The following ARL15 variants were observed in gnomAD, a reference collection of about 807,000 sequenced individuals.
The protein encoded by ARL15 is ADP-ribosylation factor-like protein 15.
In ARL15, 19 loss-of-function variants were observed where a neutral mutation model predicts 25.2. That is an observed-to-expected ratio of 0.75 (90% CI 0.53 to 1.10). ARL15 has a LOEUF of 1.10. Among genes scored for constraint, ARL15 ranks in the 50% least tolerant of loss-of-function variants. The pLI is 0.00. For missense variants in ARL15, 220 were observed against 246.0 expected (o/e 0.89, Z 0.71); for synonymous variants, 94 against 86.8 (o/e 1.08, Z -0.46).
intron 4 of ARL15, among the ~76,000 whole-genome samples, chr5:53,889,936 C>T (rs1040246377): frequency 6.6e-6 from 1 of 151,780 alleles, no homozygotes; most frequent in African/African-American, 2.4e-5. Flanking sequence ...TCTCAGACTC[C>T]CACGGAGCGG....
intron 1 of ARL15, among the ~76,000 whole-genome samples, chr5:54,221,381 A>G (rs1284178005): frequency 6.6e-6 from 1 of 152,242 alleles, no homozygotes; most frequent in Non-Finnish European, 1.5e-5. Context: ...GATGTAACAT[A>G]GTTGAAGAGG....
At position 54,218,609 on chromosome 5, in the gene ARL15, A is replaced by T. The variant is rs181298624; in HGVS notation, c.49-46681T>A. On this transcript the variant is annotated intron_variant, in intron 1 of 4. Coordinates refer to ENST00000504924, the MANE Select transcript of ARL15 (RefSeq NM_019087.3). ...ACTGGATTCCCGCGGTAGCATAAAAACCCCTTAGGGTTTAGTTGGTGGGGA... is the reference window on the plus strand; with the variant it reads ...ACTGGATTCCCGCGGTAGCATAAAATCCCCTTAGGGTTTAGTTGGTGGGGA... 9.5e-4 allele frequency among the ~76,000 whole-genome samples: 144 copies of T among 151,778 alleles called. 1 individual carries two copies. The highest frequency in any genetic ancestry group is 6.8e-3 in the Middle Eastern group (2 of 294).
chr5:54,051,997 T>C (rs1016701086), intron 4 of ARL15, among the ~76,000 whole-genome samples: 5 of 152,182 alleles, frequency 3.3e-5, no homozygotes, highest in Admixed American at 3.3e-4. Context: ...AAAAGATGAA[T>C]TTTGAATGTA....
rs565014017 is a variant in ARL15 at position 54,062,834 on chromosome 5, C to T, written c.462+50368G>A. Among the ~76,000 whole-genome samples the T allele has an allele frequency of 7.9e-5, 12 of 152,206 alleles. No homozygotes were observed. In the South Asian group the frequency reaches 8.3e-4, roughly 11 times the overall value. Reference sequence around the variant, plus strand: ...GAATGAAAAAATGGGGAATGGCATTCCTCATCAGGAAGCCCACAAAAAGAA... The same window carrying T: ...GAATGAAAAAATGGGGAATGGCATTTCTCATCAGGAAGCCCACAAAAAGAA... On this transcript the variant is annotated intron_variant, in intron 4 of 4. Transcript: ENST00000504924.
intron 3 of ARL15, among the ~76,000 whole-genome samples, chr5:54,149,542 T>C (rs1412973755): frequency 6.6e-6 from 1 of 152,204 alleles, no homozygotes; most frequent in Non-Finnish European, 1.5e-5. Flanking sequence ...ATGTGAGCTA[T>C]AGGCCAAGCA....
At chr5:54,111,980 GT>G (rs1226949897) in intron 4 of ARL15, among the ~76,000 whole-genome samples, 3 of 152,012 alleles carry the variant, frequency 2.0e-5, no homozygotes, top group Non-Finnish European at 1.5e-5. Context: ...TTTTATTGCT[GT>G]TTTTTACTTA....
At chr5:54,184,227 T>A (rs1755155934) in intron 1 of ARL15, among the ~76,000 whole-genome samples, 1 of 117,564 alleles carries the variant, frequency 8.5e-6, no homozygotes. Context: ...TGTGCACATG[T>A]ACCCTAAAAC....
intron 4 of ARL15, among the ~76,000 whole-genome samples, chr5:54,068,545 C>T (rs1292807919): frequency 1.3e-5 from 2 of 152,014 alleles, no homozygotes. Context: ...ATGACATAAC[C>T]CTAGTGAAAG....
chr5:54,272,308 C>G (rs745852984), intron 1 of ARL15, among the ~76,000 whole-genome samples: 4 of 151,816 alleles, frequency 2.6e-5, no homozygotes, highest in Non-Finnish European at 2.9e-5. Flanking sequence ...AAACCACATC[C>G]TTGGCAGTGA....
chr5:54,192,627 A>G (rs1007249077), intron 1 of ARL15, among the ~76,000 whole-genome samples: 1 of 123,788 alleles, frequency 8.1e-6, no homozygotes, highest in African/African-American at 3.1e-5. Context: ...CTAGAATTAT[A>G]ACACTAAGGT....
chr5:54,304,086 G>A (rs1561302150), intron 1 of ARL15, among the ~76,000 whole-genome samples: 1 of 152,206 alleles, frequency 6.6e-6, no homozygotes, highest in Non-Finnish European at 1.5e-5. Context: ...TAGTGGTCAA[G>A]GACCACTTTT....
intron 1 of ARL15, among the ~76,000 whole-genome samples, chr5:54,186,912 C>G (rs1221186793): frequency 6.8e-6 from 1 of 146,142 alleles, no homozygotes; most frequent in Non-Finnish European, 1.5e-5. Context: ...CTCACTCTAT[C>G]AAAGGAGTTC....
intron 4 of ARL15, among the ~76,000 whole-genome samples, chr5:54,045,839 A>G (rs373797795): frequency 6.6e-5 from 10 of 152,162 alleles, no homozygotes; most frequent in African/African-American, 2.2e-4. Context: ...CAAAGAGCCA[A>G]CTCACTTGAA....
intron 4 of ARL15, among the ~76,000 whole-genome samples, chr5:54,018,189 C>G (rs1271682997): frequency 6.6e-6 from 1 of 152,140 alleles, no homozygotes; most frequent in African/African-American, 2.4e-5. Flanking sequence ...CTTCACAAAA[C>G]CATTAGCTCA....
At chr5:54,241,990 C>T (rs2112577941) in intron 1 of ARL15, among the ~76,000 whole-genome samples, 1 of 152,240 alleles carries the variant, frequency 6.6e-6, no homozygotes, top group South Asian at 2.1e-4. Context: ...GAGACACATA[C>T]AAAGGCAGAA....
chr5:54,085,548 A>T (rs1485920636), intron 4 of ARL15, among the ~76,000 whole-genome samples: 2 of 152,202 alleles, frequency 1.3e-5, no homozygotes, highest in African/African-American at 4.8e-5. Flanking sequence ...GTTGGTGATG[A>T]ATTAGGGAGG....
At chr5:54,104,783 T>C (rs553804991) in intron 4 of ARL15, among the ~76,000 whole-genome samples, 3 of 152,236 alleles carry the variant, frequency 2.0e-5, no homozygotes, top group African/African-American at 7.2e-5. Context: ...GTAGAGATTA[T>C]ATAAGAAAAT....
chr5:54,088,115 C>T (rs1218579005), intron 4 of ARL15, among the ~76,000 whole-genome samples: 1 of 152,172 alleles, frequency 6.6e-6, no homozygotes, highest in Non-Finnish European at 1.5e-5. Flanking sequence ...ATACTGCCAA[C>T]TAGCATGACT....
intron 1 of ARL15, among the ~76,000 whole-genome samples, chr5:54,247,810 G>T (rs1000699666): frequency 2.0e-5 from 3 of 151,996 alleles, no homozygotes; most frequent in African/African-American, 7.3e-5. Context: ...TGCTTGTCAG[G>T]TTGGGCAGTT....
Sources: gnomAD v4.1 joint callset for allele counts (sites outside exome capture counted in the v4.1 genomes callset) on GRCh38, gnomAD v4.1.1 for gene constraint, MANE v1.5 for transcripts, NCBI Gene and HGNC (gene_info 2026-07-23, HGNC 2026-07-21) for gene names.